The following PCDH7 variants were observed in gnomAD, a reference collection of about 807,000 sequenced individuals.
PCDH7 encodes protocadherin 7.
A neutral mutation model predicts 58.9 loss-of-function variants in PCDH7; 17 were observed. The ratio of observed to expected loss-of-function variants is 0.29; its 90% confidence interval spans 0.20 to 0.43. The LOEUF (loss-of-function observed/expected upper bound fraction) is 0.43. Among genes scored for constraint, PCDH7 ranks in the 20% least tolerant of loss-of-function variants. PCDH7 has a pLI of 1.00. For missense variants in PCDH7, 1,274 were observed against 1,441.0 expected, an observed-to-expected ratio of 0.88 and a Z score of 1.88; for synonymous variants, 664 against 616.4, an observed-to-expected ratio of 1.08 and a Z score of -1.14.
At chr4:30,983,308 T>A (rs1295174175) in intron 3 of PCDH7, among the ~76,000 whole-genome samples, 1 of 152,240 alleles carries the variant, frequency 6.6e-6, no homozygotes, top group East Asian at 1.9e-4. Flanking sequence ...GGGAAAAAAG[T>A]AGCAATTTTG....
Position 30,721,427 on chromosome 4 carries a change from T to C in PCDH7, c.5T>C (p.Leu2Pro), listed in dbSNP as rs1420771089. The C allele has an allele frequency of 6.6e-7, 1 of 1,507,266 alleles. No homozygotes were observed. The highest frequency in any genetic ancestry group is 2.1e-5 in the Admixed American group (1 of 48,028). The allele number at this position is 1,507,266 out of a possible 1,614,324, so 93.4% of individuals were successfully genotyped here. A position where few individuals can be genotyped will look rare whatever the true frequency, so the allele number is the denominator to read the frequency against. Reference sequence around the variant, plus strand: ...TAGCAGCAGCAGCAGGAGAAGATGCTGAGGATGCGGACCGCGGGATGGGCG... The same window carrying C: ...TAGCAGCAGCAGCAGGAGAAGATGCCGAGGATGCGGACCGCGGGATGGGCG... Residue 2 changes from leucine to proline, a missense_variant, in exon 1 of 2, where the codon CTG becomes CCG. Transcript: ENST00000361762. The surrounding 1 kb of genome is among the most constrained non-coding windows in gnomAD (Gnocchi z 6.7).
chr4:30,758,940 G>GCTTTTTTTTTTTTT (rs1553880707), intron 1 of PCDH7, among the ~76,000 whole-genome samples: 1 of 124,238 alleles, frequency 8.0e-6, no homozygotes. Flanking sequence ...TTGAAGAAGT[G>GCTTTTTTTTTTTTT]TTTTTTTTTT....
chr4:30,791,742 A>T (rs1724146647), intron 1 of PCDH7, among the ~76,000 whole-genome samples: 1 of 152,222 alleles, frequency 6.6e-6, no homozygotes, highest in Non-Finnish European at 1.5e-5. Flanking sequence ...AGGCATAGAC[A>T]AGTGAAAGGA....
rs558780380 is a variant in PCDH7 at position 30,803,754 on chromosome 4, A to G, written c.70+79158A>G. ...GTGCATAGCACATGCAAATACACTG[A>G]TGTAGTACTGTGGATGACTAGATTT... On this transcript the variant is annotated intron_variant, in intron 1 of 3. Coordinates refer to the PCDH7 transcript ENST00000509759. Among the ~76,000 whole-genome samples, 5 of 152,298 alleles carry G rather than the reference A, an allele frequency of 3.3e-5. 1 individual carries two copies. In the Middle Eastern group the frequency reaches 0.01, roughly 311 times the overall value.
intron 1 of PCDH7, among the ~76,000 whole-genome samples, chr4:30,740,705 T>C (rs1443669815): frequency 6.6e-6 from 1 of 152,058 alleles, no homozygotes; most frequent in African/African-American, 2.4e-5. Context: ...TCTTTCACAA[T>C]GTTTGAAAGA....
chr4:30,852,935 T>C (rs1732964572), intron 1 of PCDH7, among the ~76,000 whole-genome samples: 1 of 151,636 alleles, frequency 6.6e-6, no homozygotes, highest in South Asian at 2.1e-4. Flanking sequence ...TTATCGGAGA[T>C]GGTAAATGGG....
chr4:30,862,548 A>G (rs571533132), intron 1 of PCDH7, among the ~76,000 whole-genome samples: 4 of 152,174 alleles, frequency 2.6e-5, no homozygotes, highest in Non-Finnish European at 1.5e-5. Context: ...ACGGAATTAC[A>G]TTTAAGAAGT....
At chr4:30,920,727 A>G (rs1213908801) in intron 2 of PCDH7, among the ~76,000 whole-genome samples, 1 of 152,162 alleles carries the variant, frequency 6.6e-6, no homozygotes, top group Non-Finnish European at 1.5e-5. Context: ...TCATGCAACT[A>G]TTTCTTCAAT....
intron 3 of PCDH7, among the ~76,000 whole-genome samples, chr4:30,957,598 A>C (rs930653270): frequency 1.3e-5 from 2 of 152,124 alleles, no homozygotes; most frequent in Non-Finnish European, 1.5e-5. Context: ...TGATTGTTTT[A>C]AAAGGTGTTT....
intron 3 of PCDH7, among the ~76,000 whole-genome samples, chr4:31,086,189 A>G (rs1340359812): frequency 1.3e-5 from 2 of 152,208 alleles, no homozygotes; most frequent in Admixed American, 6.5e-5. Context: ...TGTGAAGCCT[A>G]TACTGTCTCA....
At chr4:30,829,468 C>T (rs1211980852) in intron 1 of PCDH7, among the ~76,000 whole-genome samples, 1 of 151,904 alleles carries the variant, frequency 6.6e-6, no homozygotes, top group Non-Finnish European at 1.5e-5. Flanking sequence ...CCCCCCAAGG[C>T]TGGAGGGAAA....
chr4:30,734,051 T>C (rs1409143367), downstream of PCDH7, among the ~76,000 whole-genome samples: 1 of 142,700 alleles, frequency 7.0e-6, no homozygotes, highest in Admixed American at 7.4e-5. Flanking sequence ...AACCCTAACT[T>C]TATTTTTTAG....
At chr4:30,748,003 A>G (rs1717993523) in intron 1 of PCDH7, among the ~76,000 whole-genome samples, 1 of 152,210 alleles carries the variant, frequency 6.6e-6, no homozygotes, top group Non-Finnish European at 1.5e-5. Context: ...AGTGTTTTAA[A>G]CAAATTCAGA....
At chr4:30,751,484 A>G (rs574604479) in intron 1 of PCDH7, among the ~76,000 whole-genome samples, 1 of 152,196 alleles carries the variant, frequency 6.6e-6, no homozygotes, top group Non-Finnish European at 1.5e-5. Flanking sequence ...TATTTCTTAT[A>G]TCATTATCTT....
At chr4:31,012,175 G>T (rs1012804912) in intron 3 of PCDH7, among the ~76,000 whole-genome samples, 2 of 151,974 alleles carry the variant, frequency 1.3e-5, no homozygotes, top group African/African-American at 4.8e-5. Flanking sequence ...CATCTCTCGG[G>T]TTTGATTTCC....
chr4:31,140,967 C>G (rs1720180372), intron 3 of PCDH7, among the ~76,000 whole-genome samples: 1 of 152,076 alleles, frequency 6.6e-6, no homozygotes, highest in African/African-American at 2.4e-5. Flanking sequence ...CTTGTTAACG[C>G]TTAGTCAAGG....
At chr4:30,796,402 T>C (rs1458967180) in intron 1 of PCDH7, among the ~76,000 whole-genome samples, 1 of 152,216 alleles carries the variant, frequency 6.6e-6, no homozygotes, top group Non-Finnish European at 1.5e-5. Context: ...TCTAGTAATA[T>C]TGTATCGTGG....
At chr4:31,070,609 A>T (rs1358742557) in intron 3 of PCDH7, among the ~76,000 whole-genome samples, 2 of 152,096 alleles carry the variant, frequency 1.3e-5, no homozygotes, top group Non-Finnish European at 2.9e-5. Context: ...TGTTAACAAA[A>T]TGATTACTGT....
In PCDH7 at chr4:30,996,343, C is replaced by T. The variant is rs182805697; in HGVS notation, c.*7+46128C>T. Reference sequence around the variant, plus strand: ...GAGTTTGGAATTGTTTGCAATGTTCCTCAGGTAGACTAATAACTGTAACAG... The same window carrying T: ...GAGTTTGGAATTGTTTGCAATGTTCTTCAGGTAGACTAATAACTGTAACAG... On this transcript the variant is annotated intron_variant, in intron 3 of 3. Transcript: ENST00000509759. Among the ~76,000 whole-genome samples, 212 of 152,186 alleles carry T rather than the reference C, an allele frequency of 1.4e-3. 1 individual carries two copies. Among genetic ancestry groups the T allele is most frequent in the African/African-American group, 4.9e-3 (202 of 41,554 alleles).
Sources: gnomAD v4.1 joint callset for allele counts (sites outside exome capture counted in the v4.1 genomes callset) on GRCh38, gnomAD v4.1.1 for gene constraint, Gnocchi (gnomAD v3.1) non-coding constraint, MANE v1.5 for transcripts, NCBI Gene and HGNC (gene_info 2026-07-23, HGNC 2026-07-21) for gene names.